Variants in RHBDD1 observed in about 807,000 individuals in gnomAD.
RHBDD1 encodes the protein rhomboid domain containing 1.
In RHBDD1, 38 loss-of-function variants were observed where a neutral mutation model predicts 36.3. That is an observed-to-expected ratio of 1.05 (90% CI 0.81 to 1.37). The LOEUF (loss-of-function observed/expected upper bound fraction) is 1.37, where lower values mean the gene tolerates loss of function less well. Among genes scored for constraint, RHBDD1 ranks in the 40% most tolerant of loss-of-function variants. The probability of loss-of-function intolerance (pLI) is 0.00; values close to 1 mark genes in which losing one functional copy is unlikely to be tolerated. For missense variants in RHBDD1, 393 were observed against 377.6 expected (o/e 1.04, Z -0.34); for synonymous variants, 151 against 136.5 (o/e 1.11, Z -0.74).
At position 226,982,472 on chromosome 2, in the gene RHBDD1, C is replaced by A. The variant is rs182596118; in HGVS notation, c.857-12959C>A. Among the ~76,000 whole-genome samples the A allele has an allele frequency of 2.0e-5, 3 of 152,294 alleles. No individual in the cohort carries two copies. The East Asian group carries it at 5.8e-4, about 29-fold the overall frequency. The stretch of plus-strand genomic sequence containing the variant: ...AGTTAAAAAGTAAAGATAAGTTGAA[C>A]TTTTAAAACATTTAAGACAGCATTC... On this transcript the variant is annotated intron_variant, in intron 8 of 8. Transcript: ENST00000392062.
rs1384975146 is a variant in RHBDD1 at position 226,903,231 on chromosome 2, G to C, written c.567-3562G>C. 2.0e-5 allele frequency among the ~76,000 whole-genome samples: 3 copies of C among 152,158 alleles called. No homozygotes were observed. The East Asian group carries it at 5.8e-4, about 29-fold the overall frequency. ...CCCCTTATCTGTGATTTTGCCTTCT[G>C]CATTTTTAGTTAGCCCCAGTCAACC... is the stretch of plus-strand genomic sequence containing the variant. On this transcript the variant is annotated intron_variant, in intron 5 of 8. Transcript: ENST00000392062.
At chr2:226,830,601 C>T (rs1940718480), upstream of RHBDD1, among the ~76,000 whole-genome samples, 4 of 152,200 alleles carry the variant, frequency 2.6e-5, no homozygotes, top group Admixed American at 2.0e-4. Context: ...GACTCTTGGG[C>T]TCACGTGATC....
intron 8 of RHBDD1, among the ~76,000 whole-genome samples, chr2:226,941,306 G>A (rs114688919): frequency 6.6e-6 from 1 of 152,272 alleles, no homozygotes; most frequent in African/African-American, 2.4e-5. Context: ...TCTCCCTAGA[G>A]CTGAACCTCA....
chr2:226,905,129 C>T (rs1199000540), intron 5 of RHBDD1, among the ~76,000 whole-genome samples: 1 of 151,492 alleles, frequency 6.6e-6, no homozygotes, highest in African/African-American at 2.4e-5. Flanking sequence ...GTCACTATTC[C>T]AGGCTGTGGG....
chr2:226,960,132 T>C (rs551826254), intron 8 of RHBDD1, among the ~76,000 whole-genome samples: 6 of 152,324 alleles, frequency 3.9e-5, no homozygotes, highest in Non-Finnish European at 7.4e-5. Flanking sequence ...CACATTTATG[T>C]TTTAGTAAAC....
At chr2:226,876,923 T>G (rs1250702342) in intron 5 of RHBDD1, among the ~76,000 whole-genome samples, 1 of 152,202 alleles carries the variant, frequency 6.6e-6, no homozygotes, top group Non-Finnish European at 1.5e-5. Context: ...GAATGGCAAT[T>G]TTTTTGCAAA....
At chr2:226,948,571 A>AT (rs1553580168) in intron 8 of RHBDD1, among the ~76,000 whole-genome samples, 4 of 42,550 alleles carry the variant, frequency 9.4e-5, no homozygotes, top group African/African-American at 5.0e-4. Flanking sequence ...GTATAAAAAA[A>AT]AAAAAAAAAA....
intron 3 of RHBDD1, among the ~76,000 whole-genome samples, chr2:226,858,777 C>A (rs537770072): frequency 6.6e-6 from 1 of 152,138 alleles, no homozygotes; most frequent in African/African-American, 2.4e-5. Flanking sequence ...TTTTTAATTT[C>A]TCATTAAAAG....
chr2:226,891,430 T>G (rs901011733), intron 5 of RHBDD1, among the ~76,000 whole-genome samples: 3 of 152,182 alleles, frequency 2.0e-5, no homozygotes, highest in Non-Finnish European at 4.4e-5. Context: ...AATAGCATAA[T>G]CATAGAAGTG....
intron 3 of RHBDD1, among the ~76,000 whole-genome samples, chr2:226,847,107 C>T (rs1355642530): frequency 3.3e-5 from 5 of 152,168 alleles, no homozygotes; most frequent in African/African-American, 2.4e-5. Flanking sequence ...AATTTCTGTG[C>T]AGTTTGCCTC....
At chr2:226,896,582 C>T (rs1947113339) in intron 5 of RHBDD1, among the ~76,000 whole-genome samples, 2 of 152,118 alleles carry the variant, frequency 1.3e-5, no homozygotes, top group East Asian at 1.9e-4. Context: ...CTTAATTTGG[C>T]CATTCTTACT....
chr2:226,906,860 A>G lies in RHBDD1; in HGVS notation c.634A>G (p.Lys212Glu), dbSNP rs770532733. The G allele has an allele frequency of 6.2e-7, 1 of 1,614,154 alleles. No homozygotes were observed. Among genetic ancestry groups the G allele is most frequent in the Non-Finnish European group, 8.5e-7 (1 of 1,179,984 alleles). Residue 212 changes from lysine to glutamate, a missense_variant, in exon 6 of 9, where the codon AAA becomes GAA. Lys to Glu is a moderately conservative substitution (Grantham distance 56). Coordinates refer to ENST00000392062, the MANE Select transcript of RHBDD1 (RefSeq NM_001167608.3). ...GLMYTQGPLK[K>E]IMEACAGGFS... The stretch of plus-strand genomic sequence containing the variant: ...AATGTACACTCAAGGGCCTCTGAAG[A>G]AAATCATGGAAGCATGTGCAGGTAC...
chr2:226,987,104 G>C (rs974962258), intron 8 of RHBDD1, among the ~76,000 whole-genome samples: 1 of 152,112 alleles, frequency 6.6e-6, no homozygotes, highest in African/African-American at 2.4e-5. Flanking sequence ...GCATGTTCTC[G>C]CTCATAAGTG....
rs1950890005 is a variant in RHBDD1 at position 226,945,145 on chromosome 2, G to GACTATTATTATT, written c.856+30795_856+30796insCTATTATTATTA. On this transcript the variant is annotated intron_variant, in intron 8 of 8. Transcript: ENST00000392062. ...GGACAGTGGAAACAAGATCAAATCTGATTATTATTATTATTATTATTATTA... is the reference window on the plus strand; with the variant it reads ...GGACAGTGGAAACAAGATCAAATCTGACTATTATTATTATTATTATTATTATTATTATTATTA... Among the ~76,000 whole-genome samples, 7 of 144,818 alleles carry GACTATTATTATT rather than the reference G, an allele frequency of 4.8e-5. No individual in the cohort carries two copies. The Admixed American group carries it at 4.9e-4, about 10-fold the overall frequency.
At chr2:226,889,278 GGT>G (rs1383179461) in intron 5 of RHBDD1, among the ~76,000 whole-genome samples, 2 of 152,134 alleles carry the variant, frequency 1.3e-5, no homozygotes, top group African/African-American at 4.8e-5. Context: ...TAATGAGAGA[GGT>G]GTTCTTTATG....
chr2:226,995,429 A>G lies in RHBDD1; in HGVS notation c.857-2A>G, dbSNP rs1255952969. On this transcript the variant is annotated splice_acceptor_variant, in intron 8 of 8. Coordinates refer to ENST00000392062, the MANE Select transcript of RHBDD1 (RefSeq NM_001167608.3). LOFTEE classifies it high-confidence loss of function. The stretch of plus-strand genomic sequence containing the variant: ...ATTTTTCCTTTGGCTTTCTCACTAC[A>G]GGAAATACCAGAAATAGCCCACCAC... 2 of 1,600,262 alleles carry G rather than the reference A, an allele frequency of 1.2e-6. No homozygotes were observed. The highest frequency in any genetic ancestry group is 1.7e-6 in the Non-Finnish European group (2 of 1,168,304).
chr2:226,855,893 CT>C (rs1348319749), intron 3 of RHBDD1, among the ~76,000 whole-genome samples: 2 of 152,034 alleles, frequency 1.3e-5, no homozygotes, highest in Admixed American at 1.3e-4. Flanking sequence ...GTCTTCATTT[CT>C]TTGTATCTCT....
At chr2:226,879,799 A>G (rs1945553095) in intron 5 of RHBDD1, among the ~76,000 whole-genome samples, 1 of 152,208 alleles carries the variant, frequency 6.6e-6, no homozygotes, top group Non-Finnish European at 1.5e-5. Context: ...AGTCATTCTT[A>G]GAAGAGAAAC....
At chr2:226,901,554 AT>A (rs1027172424) in intron 5 of RHBDD1, among the ~76,000 whole-genome samples, 8 of 152,048 alleles carry the variant, frequency 5.3e-5, no homozygotes, top group African/African-American at 1.9e-4. Flanking sequence ...GTATCATTTG[AT>A]TTTTTATAGT....
Sources: allele counts gnomAD v4.1 joint callset (sites outside exome capture counted in the v4.1 genomes callset), GRCh38; gene constraint gnomAD v4.1.1; transcripts MANE v1.5; gene names NCBI Gene and HGNC (gene_info 2026-07-23, HGNC 2026-07-21).